Variants in POLD3 observed in about 807,000 individuals in gnomAD.
POLD3 encodes the protein DNA polymerase delta 3, accessory subunit, also known as DNA polymerase delta subunit 3.
In POLD3, 19 loss-of-function variants were observed where a neutral mutation model predicts 58.2. The ratio of observed to expected loss-of-function variants is 0.33; its 90% CI spans 0.23 to 0.48. The LOEUF (loss-of-function observed/expected upper bound fraction) is 0.48. Among genes scored for constraint, POLD3 ranks in the 20% least tolerant of loss-of-function variants. The pLI, the probability that POLD3 is intolerant of heterozygous loss-of-function variation, is 0.99. For synonymous variants in POLD3, 172 were observed against 193.5 expected, an observed-to-expected ratio of 0.89 and a Z score of 0.92; for missense variants, 504 against 545.5, an observed-to-expected ratio of 0.92 and a Z score of 0.76.
At chr11:74,595,507 A>G (rs918616602) in intron 2 of POLD3, 2 of 152,096 alleles carry the variant, frequency 1.3e-5, no homozygotes, top group African/African-American at 4.8e-5. Flanking sequence ...AGTTCTTTAT[A>G]TATTCTGAAT....
intron 4 of POLD3, among the ~76,000 whole-genome samples, chr11:74,649,064 G>T (rs1449754480): frequency 1.3e-5 from 2 of 152,098 alleles, no homozygotes; most frequent in African/African-American, 4.8e-5. Flanking sequence ...TTAAACCATG[G>T]AGATGGGATT....
chr11:74,651,484 AAG>A (rs201992423), intron 4 of POLD3, among the ~76,000 whole-genome samples: 1,674 of 152,338 alleles, frequency 0.011, 42 homozygotes, highest in African/African-American at 0.037. Flanking sequence ...GGAGTTTTGA[AAG>A]AGAGAGACAA....
downstream of POLD3, among the ~76,000 whole-genome samples, chr11:74,648,020 A>G (rs768531556): frequency 6.6e-6 from 1 of 152,244 alleles, no homozygotes. Flanking sequence ...GATTTGCCCA[A>G]TAAGTGGCAA....
intron 4 of POLD3, among the ~76,000 whole-genome samples, chr11:74,649,960 C>G (rs544811075): frequency 2.0e-5 from 3 of 152,338 alleles, no homozygotes; most frequent in South Asian, 4.1e-4. Context: ...TAGAGTCAGG[C>G]AAACTGGAGT....
At chr11:74,645,940 G>T (rs545841478), downstream of POLD3, among the ~76,000 whole-genome samples, 412 of 142,168 alleles carry the variant, frequency 2.9e-3, 1 homozygote, top group South Asian at 9.0e-3. Flanking sequence ...GATGATTGAT[G>T]TTTTTTTTTT....
At chr11:74,599,074 C>T (rs2031386239) in intron 2 of POLD3, among the ~76,000 whole-genome samples, 1 of 152,194 alleles carries the variant, frequency 6.6e-6, no homozygotes, top group African/African-American at 2.4e-5. Flanking sequence ...ACTGTATCAC[C>T]CAGGCTGGAG....
intron 4 of POLD3, among the ~76,000 whole-genome samples, chr11:74,611,763 A>AAAAG (rs1366845060): frequency 6.6e-6 from 1 of 152,254 alleles, no homozygotes; most frequent in East Asian, 1.9e-4. Context: ...AAGCACTTTT[A>AAAAG]TCACAGAATT....
At chr11:74,607,623 C>T (rs2031735660) in intron 3 of POLD3, among the ~76,000 whole-genome samples, 1 of 151,796 alleles carries the variant, frequency 6.6e-6, no homozygotes, top group Admixed American at 6.6e-5. Flanking sequence ...ACTTTGTCAT[C>T]CAGGCTATAG....
In POLD3 at chr11:74,611,552, T is replaced by G; in HGVS notation, c.259+14T>G. The G allele has an allele frequency of 6.6e-7, 1 of 1,524,454 alleles. No homozygotes were observed. The highest frequency in any genetic ancestry group is 9.0e-7 in the Non-Finnish European group (1 of 1,109,512). 94.4% of individuals were successfully genotyped at this position (1,524,454 alleles called of 1,614,324 possible). A position where few individuals can be genotyped will look rare whatever the true frequency, so the allele number is the denominator to read the frequency against. ...ATAAATTGGAAGGTAAGTGTTTTAGTGACTTAGCAAGTTTTTCCTCTTATG... is the reference window on the plus strand; with the variant it reads ...ATAAATTGGAAGGTAAGTGTTTTAGGGACTTAGCAAGTTTTTCCTCTTATG... On this transcript the variant is annotated intron_variant, in intron 4 of 11. Transcript: ENST00000263681.
At chr11:74,617,548 C>G (rs548423568) in intron 5 of POLD3, among the ~76,000 whole-genome samples, 1 of 151,838 alleles carries the variant, frequency 6.6e-6, no homozygotes, top group Admixed American at 6.6e-5. Context: ...ACTACAGGCG[C>G]GTGCCACCAC....
chr11:74,608,246 G>C (rs559826542), intron 3 of POLD3, among the ~76,000 whole-genome samples: 1 of 152,268 alleles, frequency 6.6e-6, no homozygotes, highest in East Asian at 1.9e-4. Context: ...TTCCTCAGTA[G>C]CTGGGACTGC....
downstream of POLD3, among the ~76,000 whole-genome samples, chr11:74,643,429 A>G (rs1399156706): frequency 6.6e-6 from 1 of 152,184 alleles, no homozygotes; most frequent in East Asian, 1.9e-4. Flanking sequence ...TTGGCACTTG[A>G]TCCTCACAAT....
chr11:74,660,219 C>G (rs1353316193), intron 4 of POLD3, among the ~76,000 whole-genome samples: 1 of 152,138 alleles, frequency 6.6e-6, no homozygotes, highest in African/African-American at 2.4e-5. Flanking sequence ...GAAAGACTGG[C>G]CCCCATGATT....
chr11:74,643,123 C>T (rs1036037389), downstream of POLD3: 6 of 160,922 alleles, frequency 3.7e-5, no homozygotes, highest in East Asian at 1.9e-4. Flanking sequence ...CGGTCACATA[C>T]GCGCTCTACA....
chr11:74,592,733 C>G lies in POLD3; in HGVS notation c.60+15C>G. Reference sequence around the variant, plus strand: ...AAAACAAGATCGTGAGCAGCTACTACTGGGGAACGCGGGCGTGCGACCGGG... The same window carrying G: ...AAAACAAGATCGTGAGCAGCTACTAGTGGGGAACGCGGGCGTGCGACCGGG... On this transcript the variant is annotated intron_variant, in intron 1 of 11. Coordinates refer to ENST00000263681, the MANE Select transcript of POLD3 (RefSeq NM_006591.3). 1 of 1,613,886 alleles carries G rather than the reference C, an allele frequency of 6.2e-7. No individual in the cohort carries two copies. Among genetic ancestry groups the G allele is most frequent in the Non-Finnish European group, 8.5e-7 (1 of 1,179,872 alleles).
At chr11:74,663,705 A>T (rs933304768) in intron 4 of POLD3, among the ~76,000 whole-genome samples, 3 of 152,236 alleles carry the variant, frequency 2.0e-5, no homozygotes, top group African/African-American at 7.2e-5. Context: ...TTGGATAGTC[A>T]AACTTTTTTA....
At chr11:74,638,891 A>C (rs763197087) in intron 11 of POLD3, among the ~76,000 whole-genome samples, 2 of 152,192 alleles carry the variant, frequency 1.3e-5, no homozygotes, top group African/African-American at 2.4e-5. Context: ...CAGAATACTT[A>C]ATATATATCT....
chr11:74,651,555 G>T (rs2033068853), intron 4 of POLD3, among the ~76,000 whole-genome samples: 1 of 152,202 alleles, frequency 6.6e-6, no homozygotes, highest in South Asian at 2.1e-4. Context: ...CCTTATAAAA[G>T]GATCTGTACA....
chr11:74,598,287 T>G (rs991069139), intron 2 of POLD3, among the ~76,000 whole-genome samples: 1 of 152,140 alleles, frequency 6.6e-6, no homozygotes, highest in African/African-American at 2.4e-5. Flanking sequence ...TCCAGCATCA[T>G]TTTTTTGCAC....
Sources: allele counts gnomAD v4.1 joint callset (sites outside exome capture counted in the v4.1 genomes callset), GRCh38; gene constraint gnomAD v4.1.1; transcripts MANE v1.5; gene names NCBI Gene and HGNC (gene_info 2026-07-23, HGNC 2026-07-21).